PIWIL4: variants seen among roughly 807,000 people sequenced by gnomAD.
PIWIL4 encodes the protein piwi-like protein 4.
Under a neutral mutation model 100.9 loss-of-function variants are expected in PIWIL4, and 50 were observed. The ratio of observed to expected loss-of-function variants is 0.50; its 90% CI spans 0.39 to 0.63. The LOEUF is 0.63. Among genes scored for constraint, PIWIL4 ranks in the 20% least tolerant of loss-of-function variants. The pLI is 0.00. For synonymous variants in PIWIL4, 342 were observed against 367.5 expected, an observed-to-expected ratio of 0.93 and a Z score of 0.79; for missense variants, 887 against 1,043.3, an observed-to-expected ratio of 0.85 and a Z score of 2.06.
chr11:94,594,310 T>TAA, intron 9 of PIWIL4, among the ~76,000 whole-genome samples: 1 of 151,364 alleles, frequency 6.6e-6, no homozygotes. Flanking sequence ...CTATTAAAAA[T>TAA]AAAAAACTAG....
intron 13 of PIWIL4, among the ~76,000 whole-genome samples, chr11:94,605,201 T>C (rs1948699230): frequency 6.6e-6 from 1 of 152,206 alleles, no homozygotes; most frequent in African/African-American, 2.4e-5. Context: ...TTCATTTGTC[T>C]CAATTGTCAC....
At chr11:94,585,581 A>G in intron 6 of PIWIL4, 56 bp downstream of exon 6, 1 of 1,347,918 alleles carries the variant, frequency 7.4e-7, no homozygotes, top group Non-Finnish European at 1.0e-6. Context: ...GAGCAACATA[A>G]TTTATGATGC....
chr11:94,586,085 A>C (rs553516496), intron 6 of PIWIL4, among the ~76,000 whole-genome samples: 47 of 152,188 alleles, frequency 3.1e-4, no homozygotes, highest in Admixed American at 1.2e-3. Flanking sequence ...AGATTCATAA[A>C]GGGAGAAGTG....
rs34989614 is a variant in PIWIL4 at position 94,606,833 on chromosome 11, CA to C, written c.1639-591del. 8.0e-3 allele frequency among the ~76,000 whole-genome samples: 820 copies of C among 102,788 alleles called. 2 individuals are homozygous for C. The highest frequency in any genetic ancestry group is 0.016 in the Middle Eastern group (3 of 190). 67.4% of individuals were successfully genotyped at this position (102,788 alleles called of 152,430 possible). A position where few individuals can be genotyped will look rare whatever the true frequency, so the allele number is the denominator to read the frequency against. The stretch of plus-strand genomic sequence containing the variant: ...TGGGTGACAGTGTGAGACTCTGTCT[CA>C]AAAAAAAAAAAAAAGCCAGGGGACT... On this transcript the variant is annotated intron_variant, in intron 13 of 19. Coordinates refer to ENST00000299001, the MANE Select transcript of PIWIL4 (RefSeq NM_152431.3).
At chr11:94,569,708 G>A (rs1457359168) in intron 2 of PIWIL4, among the ~76,000 whole-genome samples, 2 of 151,246 alleles carry the variant, frequency 1.3e-5, no homozygotes, top group Non-Finnish European at 2.9e-5. Flanking sequence ...AAATAACTCA[G>A]AAACAGAAAG....
At chr11:94,568,029 A>C (rs908583601) in intron 1 of PIWIL4, among the ~76,000 whole-genome samples, 9 of 151,752 alleles carry the variant, frequency 5.9e-5, no homozygotes, top group Non-Finnish European at 1.0e-4. Context: ...CTGTTTCTTG[A>C]GCAACCACTA....
At chr11:94,610,502 A>G (rs1410935716) in intron 15 of PIWIL4, among the ~76,000 whole-genome samples, 1 of 152,018 alleles carries the variant, frequency 6.6e-6, no homozygotes, top group Non-Finnish European at 1.5e-5. Context: ...CATTCTCCCT[A>G]ATATTTATCT....
intron 15 of PIWIL4, among the ~76,000 whole-genome samples, chr11:94,614,057 C>T (rs990392971): frequency 8.6e-5 from 13 of 151,980 alleles, no homozygotes; most frequent in African/African-American, 3.1e-4. Flanking sequence ...CCACCAGGCC[C>T]AGCTTGCTTG....
intron 16 of PIWIL4, among the ~76,000 whole-genome samples, chr11:94,617,474 A>C (rs1948859424): frequency 6.6e-6 from 1 of 152,142 alleles, no homozygotes; most frequent in Admixed American, 6.5e-5. Flanking sequence ...TCCCTCAGTG[A>C]GAATTGGAAT....
At chr11:94,583,630 G>T (rs1023811438) in intron 5 of PIWIL4, 61 bp downstream of exon 5, 14 of 1,597,884 alleles carry the variant, frequency 8.8e-6, no homozygotes, top group Non-Finnish European at 1.2e-5. Flanking sequence ...ATAGAGCCTG[G>T]GTATTAAAAT....
chr11:94,594,916 A>G (rs1037180863), intron 9 of PIWIL4, among the ~76,000 whole-genome samples: 1 of 152,190 alleles, frequency 6.6e-6, no homozygotes, highest in African/African-American at 2.4e-5. Flanking sequence ...GAGTTTTTGA[A>G]CACTTGAATT....
rs1315523543 is a variant in PIWIL4 at position 94,593,557 on chromosome 11, C to A, written c.1066C>A (p.Leu356Ile). Residue 356 changes from leucine to isoleucine, a missense_variant, in exon 9 of 20, where the codon CTT becomes ATT. Leu to Ile is a conservative substitution (Grantham distance 5, BLOSUM62 2). Coordinates refer to ENST00000299001, the MANE Select transcript of PIWIL4 (RefSeq NM_152431.3). ...TGTATCGGACCTGAATCAGCCCATG[C>A]TTGTTAGTCTGTTAAAGAAGAAGAG... is the stretch of plus-strand genomic sequence containing the variant. ...ITVSDLNQPM[L>I]VSLLKKKRND... The A allele has an allele frequency of 2.5e-6, 4 of 1,613,780 alleles. No individual in the cohort carries two copies. Among genetic ancestry groups the A allele is most frequent in the South Asian group, 2.2e-5 (2 of 91,072 alleles).
intron 4 of PIWIL4, among the ~76,000 whole-genome samples, chr11:94,577,802 G>C (rs1446407148): frequency 1.3e-5 from 2 of 152,070 alleles, no homozygotes; most frequent in African/African-American, 2.4e-5. Context: ...CCTTTACATT[G>C]TTTTATATTT....
chr11:94,593,668 C>T, intron 9 of PIWIL4, 27 bp downstream of exon 9: 1 of 1,610,814 alleles, frequency 6.2e-7, no homozygotes, highest in Non-Finnish European at 8.5e-7. Context: ...ATACCTCTGT[C>T]AGGCTCCTGG....
At chr11:94,593,926 A>C (rs1251390824) in intron 9 of PIWIL4, among the ~76,000 whole-genome samples, 1 of 152,204 alleles carries the variant, frequency 6.6e-6, no homozygotes, top group African/African-American at 2.4e-5. Flanking sequence ...ATAGGAAGGA[A>C]TGTGACTCAG....
intron 10 of PIWIL4, 23 bp downstream of exon 10, chr11:94,595,449 C>T: frequency 6.3e-7 from 1 of 1,577,556 alleles, no homozygotes; most frequent in Non-Finnish European, 8.7e-7. Flanking sequence ...CGCATGCATC[C>T]TTCCTGGGGC....
intron 15 of PIWIL4, among the ~76,000 whole-genome samples, chr11:94,611,105 C>T (rs1008128597): frequency 2.0e-5 from 3 of 151,992 alleles, no homozygotes; most frequent in Admixed American, 1.3e-4. Context: ...TATTTCTGGG[C>T]GTCTTATCCC....
At chr11:94,583,358 T>C (rs1948352671) in intron 4 of PIWIL4, 90 bp from the exon 5 acceptor site, 2 of 1,439,254 alleles carry the variant, frequency 1.4e-6, no homozygotes, top group East Asian at 4.6e-5. Context: ...TTTTTGTTAA[T>C]GCATATTACA....
intron 19 of PIWIL4, 118 bp downstream of exon 19, chr11:94,620,262 A>G (rs770370636): frequency 4.4e-6 from 5 of 1,147,620 alleles, no homozygotes; most frequent in Non-Finnish European, 6.0e-6. Context: ...TTTCCTAAAG[A>G]AGGAATGAAT....
Sources: allele counts gnomAD v4.1 joint callset (sites outside exome capture counted in the v4.1 genomes callset), GRCh38; gene constraint gnomAD v4.1.1; transcripts MANE v1.5; gene names NCBI Gene and HGNC (gene_info 2026-07-23, HGNC 2026-07-21).